SLC4A4: variants seen among roughly 807,000 people sequenced by gnomAD.
SLC4A4 encodes solute carrier family 4 member 4.
In SLC4A4, 27 loss-of-function variants were observed where a neutral mutation model predicts 111.5. The observed-to-expected ratio is 0.24, with a 90% CI of 0.18 to 0.33. The LOEUF (loss-of-function observed/expected upper bound fraction) is 0.33, where lower values mean the gene tolerates loss of function less well. Ranked by LOEUF, SLC4A4 falls within the 10% of genes least tolerant of loss-of-function variation. The pLI is 1.00. For synonymous variants in SLC4A4, 443 were observed against 463.4 expected (o/e 0.96, Z 0.57); for missense variants, 909 against 1,315.5 (o/e 0.69, Z 4.78).
At chr4:71,519,326 C>T (rs1031452) in intron 16 of SLC4A4, among the ~76,000 whole-genome samples, 65,703 of 152,052 alleles carry the variant, frequency 0.43, 17,672 homozygotes, top group African/African-American at 0.73. Flanking sequence ...ATTCTCCCCT[C>T]ATAAGAGCCT....
intron 6 of SLC4A4, among the ~76,000 whole-genome samples, chr4:71,369,329 C>T (rs1015540883): frequency 1.9e-4 from 29 of 152,180 alleles, no homozygotes; most frequent in Admixed American, 1.9e-3. Context: ...TAATGAAGAA[C>T]TTCCTGGGTG....
At chr4:71,527,753 GTA>G (rs1175119911) in intron 16 of SLC4A4, among the ~76,000 whole-genome samples, 2 of 151,786 alleles carry the variant, frequency 1.3e-5, no homozygotes, top group African/African-American at 4.8e-5. Flanking sequence ...TCTTCCTTCA[GTA>G]TATATAAAAA....
chr4:71,115,014 T>A (rs1428503247), intron 2 of SLC4A4, among the ~76,000 whole-genome samples: 24 of 138,900 alleles, frequency 1.7e-4, no homozygotes, highest in African/African-American at 6.6e-4. Context: ...CCATAAAAAA[T>A]GATGAGTTCA....
upstream of SLC4A4, among the ~76,000 whole-genome samples, chr4:71,183,941 A>G (rs1421163210): frequency 6.6e-6 from 1 of 152,204 alleles, no homozygotes; most frequent in Non-Finnish European, 1.5e-5. Flanking sequence ...TGAATGTTAT[A>G]ATTTTGTATA....
chr4:71,500,447 C>T (rs1700948006), intron 16 of SLC4A4, among the ~76,000 whole-genome samples: 1 of 152,018 alleles, frequency 6.6e-6, no homozygotes, highest in Non-Finnish European at 1.5e-5. Flanking sequence ...TTTACAGTTT[C>T]AGGTCTTATA....
intron 7 of SLC4A4, among the ~76,000 whole-genome samples, chr4:71,435,658 C>T (rs918744420): frequency 2.0e-5 from 3 of 152,250 alleles, no homozygotes; most frequent in South Asian, 4.1e-4. Flanking sequence ...GCAATCTATC[C>T]ATCTGACAAA....
At chr4:71,507,421 CAG>C (rs1731516458) in intron 16 of SLC4A4, among the ~76,000 whole-genome samples, 1 of 151,808 alleles carries the variant, frequency 6.6e-6, no homozygotes, top group Non-Finnish European at 1.5e-5. Context: ...AAATGGAAAA[CAG>C]AAAAAAAGCT....
chr4:71,409,528 A>C lies in SLC4A4; in HGVS notation c.807+11875A>C, dbSNP rs552337749. Among the ~76,000 whole-genome samples the C allele has an allele frequency of 4.6e-5, 7 of 152,372 alleles. No individual in the cohort carries two copies. The South Asian group carries it at 1.5e-3, about 32-fold the overall frequency. On this transcript the variant is annotated intron_variant, in intron 7 of 25. Transcript: ENST00000264485. ...AGAGAGGTGATTTAAGGTATCTGGC[A>C]GAAGAAATTTCTAAGCAGCAAAGCA...
chr4:71,249,486 C>T (rs1720908901), intron 2 of SLC4A4, among the ~76,000 whole-genome samples: 1 of 152,086 alleles, frequency 6.6e-6, no homozygotes, highest in Non-Finnish European at 1.5e-5. Context: ...GGGTTTTCTT[C>T]TCATGAGCTG....
At chr4:71,128,942 C>G (rs1483911173) in intron 2 of SLC4A4, among the ~76,000 whole-genome samples, 1 of 151,962 alleles carries the variant, frequency 6.6e-6, no homozygotes, top group South Asian at 2.1e-4. Context: ...TCCTTTTTTT[C>G]TGGGTTACTC....
chr4:71,451,903 T>C (rs1449741438), intron 11 of SLC4A4, among the ~76,000 whole-genome samples: 2 of 152,202 alleles, frequency 1.3e-5, no homozygotes, highest in East Asian at 1.9e-4. Flanking sequence ...TAGCATGATA[T>C]AGGAATGAGT....
intron 3 of SLC4A4, among the ~76,000 whole-genome samples, chr4:71,303,002 T>C (rs1012142150): frequency 5.9e-5 from 9 of 152,218 alleles, no homozygotes; most frequent in Non-Finnish European, 2.9e-5. Flanking sequence ...TATTCTGTTA[T>C]AAATGGGGCT....
At chr4:71,167,919 C>T (rs1744826103) in intron 2 of SLC4A4, among the ~76,000 whole-genome samples, 2 of 152,062 alleles carry the variant, frequency 1.3e-5, no homozygotes, top group Admixed American at 1.3e-4. Context: ...TCAGTCCTCA[C>T]CCCTGCCTTA....
chr4:71,106,708 G>A (rs1370880573), intron 2 of SLC4A4, among the ~76,000 whole-genome samples: 3 of 141,226 alleles, frequency 2.1e-5, no homozygotes, highest in Non-Finnish European at 4.6e-5. Context: ...TCACTCATAG[G>A]TGGGAATTGA....
intron 4 of SLC4A4, among the ~76,000 whole-genome samples, chr4:71,342,515 T>C (rs1270439963): frequency 6.6e-6 from 1 of 152,168 alleles, no homozygotes; most frequent in African/African-American, 2.4e-5. Flanking sequence ...TTGAGTTGCC[T>C]CCTCCCTAAC....
intron 6 of SLC4A4, among the ~76,000 whole-genome samples, chr4:71,391,984 A>T (rs1420078584): frequency 2.0e-5 from 3 of 152,080 alleles, no homozygotes; most frequent in Non-Finnish European, 4.4e-5. Context: ...TATAGGCCAA[A>T]ATCTAAGTAG....
At chr4:71,351,851 A>G (rs574109510) in intron 5 of SLC4A4, among the ~76,000 whole-genome samples, 1 of 152,332 alleles carries the variant, frequency 6.6e-6, no homozygotes, top group African/African-American at 2.4e-5. Flanking sequence ...TAAATCTACC[A>G]CTTTGTAAAT....
chr4:71,417,036 G>A (rs6854303), intron 7 of SLC4A4, among the ~76,000 whole-genome samples: 92,799 of 151,980 alleles, frequency 0.61, 30,954 homozygotes, highest in Non-Finnish European at 0.75. Context: ...ATGGAGCACC[G>A]TTAGTGGAGC....
intron 7 of SLC4A4, among the ~76,000 whole-genome samples, chr4:71,398,123 A>G (rs907487450): frequency 1.8e-4 from 28 of 152,024 alleles, no homozygotes; most frequent in African/African-American, 6.5e-4. Context: ...CGTCTCTACT[A>G]AAACCACAAA....
Sources: gnomAD v4.1 joint callset for allele counts (sites outside exome capture counted in the v4.1 genomes callset) on GRCh38, gnomAD v4.1.1 for gene constraint, MANE v1.5 for transcripts, NCBI Gene and HGNC (gene_info 2026-07-23, HGNC 2026-07-21) for gene names.